DNAJC6: variants seen among roughly 807,000 people sequenced by gnomAD.
DNAJC6 encodes DnaJ heat shock protein family (Hsp40) member C6, also known as auxilin.
Under a neutral mutation model 110.0 loss-of-function variants are expected in DNAJC6, and 34 were observed. The observed-to-expected ratio is 0.31, with a 90% CI of 0.24 to 0.41. DNAJC6 has a LOEUF of 0.41. Among genes scored for constraint, DNAJC6 ranks in the 10% least tolerant of loss-of-function variants. DNAJC6 has a pLI of 1.00. For missense variants in DNAJC6, 1,031 were observed against 1,207.8 expected, an observed-to-expected ratio of 0.85 and a Z score of 2.17; for synonymous variants, 406 against 437.2, an observed-to-expected ratio of 0.93 and a Z score of 0.89.
intron 14 of DNAJC6, among the ~76,000 whole-genome samples, chr1:65,401,455 CTAACT>C (rs1388371619): frequency 1.3e-5 from 2 of 152,206 alleles, no homozygotes; most frequent in African/African-American, 4.8e-5. Context: ...AGATCCAGAC[CTAACT>C]TCGAATCTTA....
At chr1:65,358,005 C>T (rs945494529) in intron 1 of DNAJC6, among the ~76,000 whole-genome samples, 12 of 151,772 alleles carry the variant, frequency 7.9e-5, no homozygotes, top group Non-Finnish European at 1.5e-5. Flanking sequence ...ATGGCGAAAC[C>T]CCATCTCTAC....
At chr1:65,311,215 GTTTTTTTTTTTTTTT>G (rs71056098) in intron 1 of DNAJC6, among the ~76,000 whole-genome samples, 2 of 68,830 alleles carry the variant, frequency 2.9e-5, no homozygotes, top group Non-Finnish European at 5.4e-5. Flanking sequence ...TTTCAGGACT[GTTTTTTTTTTTTTTT>G]TTTTTTTTTT....
At chr1:65,290,250 A>ATTTTCTTATC (rs1320311866) in intron 1 of DNAJC6, among the ~76,000 whole-genome samples, 3 of 152,154 alleles carry the variant, frequency 2.0e-5, no homozygotes, top group Admixed American at 6.5e-5. Context: ...ATTTTCTTAG[A>ATTTTCTTATC]GATTTATATT....
chr1:65,268,387 T>G (rs1176918146), intron 1 of DNAJC6, among the ~76,000 whole-genome samples: 2 of 152,174 alleles, frequency 1.3e-5, no homozygotes, highest in African/African-American at 4.8e-5. Flanking sequence ...AAGAAAATAG[T>G]TGAGTGAGTT....
intron 11 of DNAJC6, among the ~76,000 whole-genome samples, chr1:65,390,108 GC>G (rs1432618311): frequency 2.6e-5 from 4 of 152,104 alleles, no homozygotes; most frequent in Non-Finnish European, 5.9e-5. Flanking sequence ...CTCAGTAGAT[GC>G]TCTTAGACTG....
At chr1:65,380,357 A>T (rs1171841690) in intron 5 of DNAJC6, among the ~76,000 whole-genome samples, 1 of 152,214 alleles carries the variant, frequency 6.6e-6, no homozygotes, top group African/African-American at 2.4e-5. Context: ...TTTAGTGTAT[A>T]TGTTTTTGCT....
chr1:65,299,611 C>G (rs887228432), intron 1 of DNAJC6, among the ~76,000 whole-genome samples: 1 of 152,106 alleles, frequency 6.6e-6, no homozygotes, highest in African/African-American at 2.4e-5. Context: ...ATGCTAAGCT[C>G]TTTATGTACT....
intron 1 of DNAJC6, among the ~76,000 whole-genome samples, chr1:65,357,689 G>A (rs9436275): frequency 6.1e-4 from 93 of 152,248 alleles, no homozygotes; most frequent in African/African-American, 2.2e-3. Flanking sequence ...AGTGAGGGGG[G>A]CACACAGGCT....
chr1:65,266,228 C>T (rs997883881), intron 1 of DNAJC6, among the ~76,000 whole-genome samples: 1 of 152,120 alleles, frequency 6.6e-6, no homozygotes, highest in Non-Finnish European at 1.5e-5. Flanking sequence ...ATAGGATTCC[C>T]ACCTCGTGGT....
At chr1:65,283,698 A>G (rs1653922714) in intron 1 of DNAJC6, among the ~76,000 whole-genome samples, 1 of 152,188 alleles carries the variant, frequency 6.6e-6, no homozygotes, top group Non-Finnish European at 1.5e-5. Flanking sequence ...ATTGTATGGT[A>G]AGTCCATTTT....
chr1:65,338,743 A>G (rs1295250454), intron 1 of DNAJC6, among the ~76,000 whole-genome samples: 3 of 152,144 alleles, frequency 2.0e-5, no homozygotes, highest in Non-Finnish European at 4.4e-5. Flanking sequence ...AGCTCTATAC[A>G]TATCTTAAAT....
chr1:65,302,215 TC>T (rs1465249981), intron 1 of DNAJC6, among the ~76,000 whole-genome samples: 3 of 142,136 alleles, frequency 2.1e-5, no homozygotes, highest in Non-Finnish European at 4.6e-5. Context: ...ATATATTATA[TC>T]AATATAATAT....
Position 65,385,720 on chromosome 1 carries a change from G to A in DNAJC6, c.809G>A (p.Gly270Asp), listed in dbSNP as rs1645865223. The change falls in exon 7 of 19, where the codon GGC becomes GAC. Residue 270 changes from glycine to aspartate, a missense_variant. Coordinates refer to ENST00000371069, the MANE Select transcript of DNAJC6 (RefSeq NM_001256864.2). The stretch of plus-strand genomic sequence containing the variant: ...CCAACCTTCTGTTTCAGATACCTGG[G>A]CTATATGTGTGACCTACTGGCAGAC... ...GLSPSHRRYL[G>D]YMCDLLADKP... The A allele has an allele frequency of 6.2e-7, 1 of 1,605,608 alleles. No homozygotes were observed. Among genetic ancestry groups the A allele is most frequent in the Non-Finnish European group, 8.5e-7 (1 of 1,173,748 alleles).
chr1:65,266,824 C>T lies in DNAJC6; in HGVS notation c.-131+1892C>T, dbSNP rs79802410. ...AACATTGTTTGAAATGGAAACACTCCTGGTTTCTCAGTGTATCAGTGTGTT... is the reference window on the plus strand; with the variant it reads ...AACATTGTTTGAAATGGAAACACTCTTGGTTTCTCAGTGTATCAGTGTGTT... On this transcript the variant is annotated intron_variant, in intron 1 of 19. Coordinates refer to the DNAJC6 transcript ENST00000263441. Among the ~76,000 whole-genome samples, 542 of 152,066 alleles carry T rather than the reference C, an allele frequency of 3.6e-3. 4 individuals are homozygous for T. The highest frequency in any genetic ancestry group is 0.013 in the African/African-American group (533 of 41,480).
At chr1:65,311,276 G>T (rs1645098900) in intron 1 of DNAJC6, among the ~76,000 whole-genome samples, 2 of 140,760 alleles carry the variant, frequency 1.4e-5, no homozygotes, top group African/African-American at 2.7e-5. Context: ...CCGGGCTGGA[G>T]TGCAGGGATG....
At chr1:65,264,762 G>T in exon 1 of DNAJC6, 1 of 1,455,346 alleles carries the variant, frequency 6.9e-7, no homozygotes, top group South Asian at 1.4e-5. Flanking sequence ...CCCGCACACC[G>T]ACTTGCATGC....
intron 14 of DNAJC6, 139 bp from the exon 15 acceptor site, chr1:65,401,622 G>T (rs745514910): frequency 4.1e-6 from 5 of 1,215,302 alleles, no homozygotes; most frequent in African/African-American, 3.1e-5. Flanking sequence ...GGGAAACAGG[G>T]TCTAGCAACT....
chr1:65,303,372 A>C (rs188338124), intron 1 of DNAJC6, among the ~76,000 whole-genome samples: 1 of 152,314 alleles, frequency 6.6e-6, no homozygotes, highest in Admixed American at 6.5e-5. Context: ...CGGTTATAAA[A>C]GTTTTTTAAC....
At chr1:65,394,378 A>G (rs1645957608) in intron 12 of DNAJC6, among the ~76,000 whole-genome samples, 1 of 152,224 alleles carries the variant, frequency 6.6e-6, no homozygotes, top group African/African-American at 2.4e-5. Context: ...TCTAGAGTTA[A>G]AGACCTGGAT....
Sources: gnomAD v4.1 joint callset for allele counts (sites outside exome capture counted in the v4.1 genomes callset) on GRCh38, gnomAD v4.1.1 for gene constraint, MANE v1.5 for transcripts, NCBI Gene and HGNC (gene_info 2026-07-23, HGNC 2026-07-21) for gene names.